Variants in SNX29 observed in about 807,000 individuals in gnomAD.
SNX29 encodes the protein sorting nexin-29.
SNX29 carries 78 observed loss-of-function variants against 102.1 expected under a neutral mutation model. The observed-to-expected ratio is 0.76, with a 90% CI of 0.64 to 0.92. The LOEUF is 0.92. SNX29 is among the 40% of genes least tolerant of loss of function. The pLI, the probability that SNX29 is intolerant of heterozygous loss-of-function variation, is 0.00. For synonymous variants in SNX29, 580 were observed against 414.5 expected (o/e 1.40, Z -4.85); for missense variants, 1,280 against 1,061.7 (o/e 1.21, Z -2.86).
At chr16:12,543,688 G>T (rs144730933) in intron 20 of SNX29, among the ~76,000 whole-genome samples, 18 of 152,230 alleles carry the variant, frequency 1.2e-4, no homozygotes, top group African/African-American at 3.9e-4. Flanking sequence ...CAAGCCAGTC[G>T]TATCAGAAAA....
chr16:12,206,077 G>C (rs2077037379), intron 14 of SNX29, among the ~76,000 whole-genome samples: 1 of 152,260 alleles, frequency 6.6e-6, no homozygotes, highest in African/African-American at 2.4e-5. Flanking sequence ...TTTCAGTTGT[G>C]CCTCCAGCTG....
intron 19 of SNX29, 24 bp from the exon 20 acceptor site, chr16:12,524,678 C>T (rs777512373): frequency 2.3e-5 from 37 of 1,610,380 alleles, no homozygotes; most frequent in Middle Eastern, 3.3e-4. Flanking sequence ...CGTACCAAAG[C>T]GAAGATGTTT....
chr16:12,263,374 C>T (rs1478778989), intron 14 of SNX29, among the ~76,000 whole-genome samples: 9 of 152,174 alleles, frequency 5.9e-5, no homozygotes, highest in East Asian at 3.8e-4. Context: ...GTGGCCCGCC[C>T]GCCTTGGCCT....
At chr16:12,162,459 C>T (rs1041440146) in intron 13 of SNX29, among the ~76,000 whole-genome samples, 1 of 152,284 alleles carries the variant, frequency 6.6e-6, no homozygotes, top group South Asian at 2.1e-4. Context: ...GCCATATGGT[C>T]TCTGTCACAA....
intron 20 of SNX29, among the ~76,000 whole-genome samples, chr16:12,562,379 A>T (rs1334594453): frequency 7.2e-6 from 1 of 139,666 alleles, no homozygotes; most frequent in East Asian, 2.3e-4. Context: ...ATTTTTTAAA[A>T]CAGCTCAAGA....
intron 20 of SNX29, among the ~76,000 whole-genome samples, chr16:12,535,746 C>A (rs140795732): frequency 2.6e-5 from 4 of 152,142 alleles, no homozygotes; most frequent in Non-Finnish European, 5.9e-5. Flanking sequence ...TCACGCTCGT[C>A]TTCCACCACT....
intron 14 of SNX29, among the ~76,000 whole-genome samples, chr16:12,205,557 C>T (rs895125946): frequency 2.6e-5 from 4 of 151,866 alleles, no homozygotes; most frequent in East Asian, 1.9e-4. Flanking sequence ...CAGGCTGGCT[C>T]CTGCCTCAGG....
intron 14 of SNX29, among the ~76,000 whole-genome samples, chr16:12,210,717 C>G (rs939416886): frequency 2.6e-5 from 4 of 152,038 alleles, no homozygotes; most frequent in African/African-American, 7.2e-5. Flanking sequence ...GCCATTTTCT[C>G]TCACATGTTC....
chr16:12,190,812 G>A (rs1016781858), intron 13 of SNX29, among the ~76,000 whole-genome samples: 1 of 152,100 alleles, frequency 6.6e-6, no homozygotes, highest in Non-Finnish European at 1.5e-5. Context: ...ATTGGGTAGC[G>A]GGGCAGCAGC....
At chr16:12,336,334 G>A (rs1461375005) in intron 15 of SNX29, among the ~76,000 whole-genome samples, 1 of 152,164 alleles carries the variant, frequency 6.6e-6, no homozygotes, top group African/African-American at 2.4e-5. Context: ...TAAATTTGAT[G>A]GCAGAGCAGT....
chr16:12,353,333 C>T (rs1254274331), intron 15 of SNX29, among the ~76,000 whole-genome samples: 5 of 152,192 alleles, frequency 3.3e-5, no homozygotes, highest in Admixed American at 6.5e-5. Flanking sequence ...TCCTCCATGT[C>T]TCCTGTCATG....
chr16:12,410,161 A>G (rs575259402), intron 18 of SNX29, among the ~76,000 whole-genome samples: 1 of 151,694 alleles, frequency 6.6e-6, no homozygotes. Context: ...CGCCTGGCTA[A>G]TTTTTTGTAG....
At position 12,375,640 on chromosome 16, in the gene SNX29, G is replaced by A. The variant is rs1377090036; in HGVS notation, c.1899+19361G>A. ...CAGCTGTTGACTGGAGGCCACCCTC[G>A]GTTTCTTGCCTATCCAGGCCTCTTC... On this transcript the variant is annotated intron_variant, in intron 16 of 20. Coordinates refer to ENST00000566228, the MANE Select transcript of SNX29 (RefSeq NM_032167.5). 20 of 152,208 alleles carry A rather than the reference G, an allele frequency of 1.3e-4. 1 individual carries two copies. The highest frequency in any genetic ancestry group is 2.6e-4 in the Non-Finnish European group (18 of 68,054). The allele number at this position is 152,208 out of a possible 1,614,324, so 9.4% of individuals were successfully genotyped here.
chr16:12,018,746 C>CTTT (rs79506419), intron 3 of SNX29, among the ~76,000 whole-genome samples: 8 of 135,566 alleles, frequency 5.9e-5, no homozygotes, highest in African/African-American at 1.9e-4. Flanking sequence ...TTTTTTTTGT[C>CTTT]TTTTTTTTTT....
At chr16:12,293,200 C>T (rs779990671) in intron 15 of SNX29, among the ~76,000 whole-genome samples, 7 of 152,154 alleles carry the variant, frequency 4.6e-5, no homozygotes, top group African/African-American at 1.2e-4. Context: ...CCTTGGCCTC[C>T]GAAAGTGCTG....
At chr16:12,516,367 C>G (rs530151785) in intron 19 of SNX29, among the ~76,000 whole-genome samples, 24 of 151,808 alleles carry the variant, frequency 1.6e-4, no homozygotes, top group African/African-American at 5.8e-4. Flanking sequence ...GTAGTCCCAG[C>G]TACACTGGAG....
chr16:12,200,719 A>G (rs895158453), intron 14 of SNX29, among the ~76,000 whole-genome samples: 3 of 152,216 alleles, frequency 2.0e-5, no homozygotes, highest in African/African-American at 4.8e-5. Flanking sequence ...TCCTGACTCC[A>G]GGTGATCCGT....
At chr16:12,302,485 G>T (rs1466762957) in intron 15 of SNX29, among the ~76,000 whole-genome samples, 1 of 152,222 alleles carries the variant, frequency 6.6e-6, no homozygotes, top group African/African-American at 2.4e-5. Context: ...CAAGGCAGAT[G>T]TGGGGTCTGG....
In SNX29 at chr16:12,068,601, A is replaced by G. The variant is rs182261588; in HGVS notation, c.1244-456A>G. 7.5e-3 allele frequency among the ~76,000 whole-genome samples: 1,134 copies of G among 152,086 alleles called. 15 individuals carry two copies. The highest frequency in any genetic ancestry group is 0.026 in the African/African-American group (1,078 of 41,464). ...CTCTTGTTGCCCAGGCTGGAGTGCA[A>G]TGGCACGATCTCGGCTCACTGCAAC... On this transcript the variant is annotated intron_variant, in intron 9 of 20. Coordinates refer to ENST00000566228, the MANE Select transcript of SNX29 (RefSeq NM_032167.5).
Sources: gnomAD v4.1 joint callset for allele counts (sites outside exome capture counted in the v4.1 genomes callset) on GRCh38, gnomAD v4.1.1 for gene constraint, MANE v1.5 for transcripts, NCBI Gene and HGNC (gene_info 2026-07-23, HGNC 2026-07-21) for gene names.